Variants in APP observed in about 807,000 individuals in gnomAD.
APP encodes the protein amyloid-beta precursor protein.
In APP, 31 loss-of-function variants were observed where a neutral mutation model predicts 101.4. That is an observed-to-expected ratio of 0.31 (90% CI 0.23 to 0.41). The LOEUF (loss-of-function observed/expected upper bound fraction) is 0.41, where lower values mean the gene tolerates loss of function less well. Ranked by LOEUF, APP falls within the 10% of genes least tolerant of loss-of-function variation. The pLI is 1.00. For missense variants in APP, 839 were observed against 1,003.7 expected (o/e 0.84, Z 2.22); for synonymous variants, 366 against 364.4 (o/e 1.00, Z -0.05).
intron 15 of APP, among the ~76,000 whole-genome samples, chr21:25,900,194 T>C (rs930579770): frequency 5.3e-5 from 8 of 151,996 alleles, no homozygotes; most frequent in Non-Finnish European, 1.2e-4. Flanking sequence ...GAGATCCTTA[T>C]ATAACCAGTG....
At chr21:25,965,923 C>G (rs893854970) in intron 11 of APP, among the ~76,000 whole-genome samples, 1 of 152,154 alleles carries the variant, frequency 6.6e-6, no homozygotes, top group Non-Finnish European at 1.5e-5. Flanking sequence ...CCATACGGTG[C>G]TATGGGTTTT....
chr21:25,989,913 A>G (rs1436806136), intron 8 of APP, among the ~76,000 whole-genome samples: 1 of 133,982 alleles, frequency 7.5e-6, no homozygotes, highest in Non-Finnish European at 1.5e-5. Context: ...CTTAAAAAAA[A>G]AGTGTCTCTA....
chr21:26,161,258 A>C (rs1420664933), intron 1 of APP, among the ~76,000 whole-genome samples: 2 of 152,226 alleles, frequency 1.3e-5, no homozygotes, highest in Non-Finnish European at 2.9e-5. Context: ...TTCTGTCTAC[A>C]ATTATTCTTT....
chr21:25,906,763 C>G (rs2038812648), intron 14 of APP, among the ~76,000 whole-genome samples: 1 of 152,100 alleles, frequency 6.6e-6, no homozygotes, highest in Non-Finnish European at 1.5e-5. Context: ...GTGAGAATTT[C>G]CTGATGATGA....
At chr21:26,108,636 C>T (rs2146194699) in intron 2 of APP, among the ~76,000 whole-genome samples, 1 of 152,246 alleles carries the variant, frequency 6.6e-6, no homozygotes, top group South Asian at 2.1e-4. Context: ...GCCTGTAATC[C>T]CAGCACTCTG....
intron 13 of APP, among the ~76,000 whole-genome samples, chr21:25,916,714 A>G (rs1236788486): frequency 1.3e-5 from 2 of 152,188 alleles, no homozygotes; most frequent in Admixed American, 1.3e-4. Context: ...TTAAACTAAG[A>G]GACTGCTTAT....
chr21:26,032,805 A>AT (rs1555851833), intron 5 of APP, among the ~76,000 whole-genome samples: 412 of 124,462 alleles, frequency 3.3e-3, no homozygotes, highest in Middle Eastern at 0.014. Context: ...AAAAAAAAAA[A>AT]ATATATATAT....
At chr21:26,091,613 A>G (rs2061827756) in intron 2 of APP, among the ~76,000 whole-genome samples, 1 of 152,164 alleles carries the variant, frequency 6.6e-6, no homozygotes, top group South Asian at 2.1e-4. Flanking sequence ...AAAATCTTCA[A>G]AGTCTGAATG....
intron 17 of APP, 76 bp from the exon 18 acceptor site, chr21:25,881,847 G>T: frequency 7.1e-7 from 1 of 1,404,828 alleles, no homozygotes. Flanking sequence ...GCAGTAAAAA[G>T]ATAAGGAGTA....
At chr21:25,897,169 T>C (rs1389628623) in intron 16 of APP, among the ~76,000 whole-genome samples, 10 of 151,684 alleles carry the variant, frequency 6.6e-5, no homozygotes, top group Non-Finnish European at 1.3e-4. Context: ...CTCTGTCGCC[T>C]AGGCACGATC....
At chr21:26,012,451 G>C (rs1026220991) in intron 6 of APP, among the ~76,000 whole-genome samples, 2 of 152,028 alleles carry the variant, frequency 1.3e-5, no homozygotes, top group African/African-American at 4.8e-5. Context: ...TCTACTAACA[G>C]AATCACAAAA....
Position 26,104,086 on chromosome 21 carries a change from T to C in APP, c.225+7893A>G, listed in dbSNP as rs1306454137. ...CCTTGCTGTGTCCTTATGTGACTTCTTCGTTTGAGCAGGGAGAAAAAGGCA... is the reference window on the plus strand; with the variant it reads ...CCTTGCTGTGTCCTTATGTGACTTCCTCGTTTGAGCAGGGAGAAAAAGGCA... On this transcript the variant is annotated intron_variant, in intron 2 of 17. Coordinates refer to ENST00000346798, the MANE Select transcript of APP (RefSeq NM_000484.4). 2.0e-5 allele frequency among the ~76,000 whole-genome samples: 3 copies of C among 152,190 alleles called. No homozygotes were observed. In the East Asian group the frequency reaches 5.8e-4, roughly 29 times the overall value.
rs45537238 is a variant in APP, at chr21:25,954,663, A to G, written c.1614T>C (p.Tyr538=). The G allele has an allele frequency of 4.4e-3, 7,063 of 1,614,066 alleles. 233 individuals are homozygous for G. In the African/African-American group the frequency reaches 0.081, roughly 18 times the overall value. The part of the protein sequence containing the change: ...SQVMTHLRVI[Y]ERMNQSLSLL... Reference sequence around the variant, plus strand: ...GGGAGAGAGACTGATTCATGCGCTCATAAATCACACGGAGGTGTGTCATAA... The same window carrying G: ...GGGAGAGAGACTGATTCATGCGCTCGTAAATCACACGGAGGTGTGTCATAA... The change falls in exon 13 of 18, where the codon TAT becomes TAC. Residue 538 remains tyrosine (Y), a synonymous_variant. Coordinates refer to ENST00000346798, the MANE Select transcript of APP (RefSeq NM_000484.4).
At chr21:26,109,142 T>A (rs1365474827) in intron 2 of APP, among the ~76,000 whole-genome samples, 1 of 152,104 alleles carries the variant, frequency 6.6e-6, no homozygotes, top group Non-Finnish European at 1.5e-5. Flanking sequence ...AAGGGCTAAT[T>A]CTCCCCACTC....
chr21:26,147,611 A>C (rs2146330102), intron 1 of APP, among the ~76,000 whole-genome samples: 1 of 152,308 alleles, frequency 6.6e-6, no homozygotes, highest in East Asian at 1.9e-4. Context: ...TAAAAGAAAA[A>C]AAAAATCTTT....
intron 11 of APP, among the ~76,000 whole-genome samples, chr21:25,970,545 C>G (rs780499524): frequency 2.0e-5 from 3 of 152,136 alleles, no homozygotes; most frequent in Non-Finnish European, 4.4e-5. Flanking sequence ...AACCAAGGAA[C>G]TTTTGTTCTG....
chr21:25,989,708 T>C (rs968507157), intron 8 of APP, among the ~76,000 whole-genome samples: 2 of 152,216 alleles, frequency 1.3e-5, no homozygotes, highest in Non-Finnish European at 2.9e-5. Context: ...TTAAGACCTA[T>C]ATAAATCATT....
intron 13 of APP, among the ~76,000 whole-genome samples, chr21:25,939,682 A>G (rs1199320541): frequency 6.6e-6 from 1 of 152,188 alleles, no homozygotes; most frequent in Non-Finnish European, 1.5e-5. Context: ...TTTTCTCATG[A>G]TACTGACATT....
chr21:25,949,744 A>C (rs898495569), intron 13 of APP, among the ~76,000 whole-genome samples: 3 of 152,200 alleles, frequency 2.0e-5, no homozygotes, highest in Admixed American at 6.5e-5. Context: ...ACTCCAAGTT[A>C]GAGTATGGTA....
Sources: allele counts gnomAD v4.1 joint callset (sites outside exome capture counted in the v4.1 genomes callset), GRCh38; gene constraint gnomAD v4.1.1; transcripts MANE v1.5; gene names NCBI Gene and HGNC (gene_info 2026-07-23, HGNC 2026-07-21).